ABCG1: variants seen among roughly 807,000 people sequenced by gnomAD.
The protein encoded by ABCG1 is ATP binding cassette subfamily G member 1.
A neutral mutation model predicts 69.2 loss-of-function variants in ABCG1; 29 were observed. The ratio of observed to expected loss-of-function variants is 0.42; its 90% confidence interval spans 0.31 to 0.57. ABCG1 has a LOEUF of 0.57. Ranked by LOEUF, ABCG1 falls within the 20% of genes least tolerant of loss-of-function variation. The probability of loss-of-function intolerance (pLI) is 0.15; values close to 1 mark genes in which losing one functional copy is unlikely to be tolerated. For missense variants in ABCG1, 718 were observed against 898.1 expected (o/e 0.80, Z 2.56); for synonymous variants, 370 against 374.8 (o/e 0.99, Z 0.15).
At chr21:42,271,830 G>A (rs1161455180) in intron 3 of ABCG1, among the ~76,000 whole-genome samples, 2 of 152,198 alleles carry the variant, frequency 1.3e-5, no homozygotes, top group East Asian at 1.9e-4. Context: ...GTTGCAGTGA[G>A]CTGAGATCAC....
chr21:42,269,043 C>T (rs185505552), intron 2 of ABCG1, among the ~76,000 whole-genome samples: 1 of 152,146 alleles, frequency 6.6e-6, no homozygotes, highest in Non-Finnish European at 1.5e-5. Flanking sequence ...TCTCAGAGCC[C>T]GAGGCATGAA....
chr21:42,202,188 G>T (rs2067511948), intron 2 of ABCG1, among the ~76,000 whole-genome samples: 1 of 152,180 alleles, frequency 6.6e-6, no homozygotes, highest in South Asian at 2.1e-4. Flanking sequence ...GGAGGCCAGG[G>T]TTCCACTCCA....
chr21:42,294,066 C>T (rs1401367966), intron 13 of ABCG1, among the ~76,000 whole-genome samples: 3 of 152,080 alleles, frequency 2.0e-5, no homozygotes, highest in South Asian at 2.1e-4. Context: ...TGAGTCGCGG[C>T]GGTTGCTTCG....
In ABCG1 at chr21:42,296,045, T is replaced by C; in HGVS notation, c.1773-119T>C. The C allele has an allele frequency of 1.2e-6, 1 of 811,532 alleles. No individual in the cohort carries two copies. Among genetic ancestry groups the C allele is most frequent in the Non-Finnish European group, 2.1e-6 (1 of 485,030 alleles). The allele number at this position is 811,532 out of a possible 1,614,324, so 50.3% of individuals were successfully genotyped here. On this transcript the variant is annotated intron_variant, in intron 14 of 14. Coordinates refer to ENST00000398449, the MANE Select transcript of ABCG1 (RefSeq NM_016818.3). This position sits in a 1 kb window ranked among gnomAD's most constrained non-coding sequence, Gnocchi z 5.4. The stretch of plus-strand genomic sequence containing the variant: ...GGAAGTATTCTGGGGAAGGCGGCCC[T>C]TTGGGAAGGGAGGATAGCCAAGCTG...
At chr21:42,282,769 G>T (rs1163969021) in intron 6 of ABCG1, among the ~76,000 whole-genome samples, 1 of 152,230 alleles carries the variant, frequency 6.6e-6, no homozygotes, top group African/African-American at 2.4e-5. Flanking sequence ...GTGTCTTCAG[G>T]TGTGTTCTGG....
intron 3 of ABCG1, among the ~76,000 whole-genome samples, chr21:42,272,803 TCGG>T (rs2068639484): frequency 6.6e-6 from 1 of 152,176 alleles, no homozygotes; most frequent in African/African-American, 2.4e-5. Flanking sequence ...GGCCATCCAC[TCGG>T]CTGAGCTGGT....
intron 4 of ABCG1, among the ~76,000 whole-genome samples, chr21:42,274,615 C>T (rs757850403): frequency 1.3e-5 from 2 of 151,948 alleles, no homozygotes; most frequent in Non-Finnish European, 2.9e-5. Context: ...GCTGGGACTA[C>T]AGGCGCCCAC....
At chr21:42,221,984 A>C (rs1014054343) in intron 1 of ABCG1, among the ~76,000 whole-genome samples, 2 of 152,164 alleles carry the variant, frequency 1.3e-5, no homozygotes, top group Admixed American at 6.5e-5. Flanking sequence ...AAATATTCCC[A>C]TGAACAGCAG....
At chr21:42,290,892 C>G (rs1357484521) in intron 11 of ABCG1, among the ~76,000 whole-genome samples, 200 bp from the exon 12 acceptor site, 2 of 152,156 alleles carry the variant, frequency 1.3e-5, no homozygotes, top group Non-Finnish European at 2.9e-5. Flanking sequence ...TCCTGATTCT[C>G]CACTCAATGA....
intron 2 of ABCG1, among the ~76,000 whole-genome samples, chr21:42,202,414 G>A (rs1007692324): frequency 6.6e-6 from 1 of 152,136 alleles, no homozygotes; most frequent in African/African-American, 2.4e-5. Context: ...TTCAGCACAG[G>A]AAGCATGGAG....
chr21:42,265,775 G>A (rs1305614065), intron 2 of ABCG1, among the ~76,000 whole-genome samples: 1 of 152,208 alleles, frequency 6.6e-6, no homozygotes, highest in Non-Finnish European at 1.5e-5. Context: ...AGCTGGCTCA[G>A]GACCGCAGGC....
At chr21:42,217,360 C>A (rs1396850454), upstream of ABCG1, among the ~76,000 whole-genome samples, 1 of 152,152 alleles carries the variant, frequency 6.6e-6, no homozygotes, top group African/African-American at 2.4e-5. Flanking sequence ...GACAGTTCCT[C>A]CCCGGCTGTG....
In ABCG1 at chr21:42,244,507, A is replaced by G. The variant is rs574704357; in HGVS notation, c.286+18593A>G. Among the ~76,000 whole-genome samples the G allele has an allele frequency of 2.0e-5, 3 of 152,374 alleles. No individual in the cohort carries two copies. In the South Asian group the frequency reaches 6.2e-4, roughly 32 times the overall value. ...AAGACTTCAAAAGCTTCTCTTCTGC[A>G]CTGCATTTCCTAAAGTCTAATTTAC... On this transcript the variant is annotated intron_variant, in intron 2 of 14. Coordinates refer to ENST00000398449, the MANE Select transcript of ABCG1 (RefSeq NM_016818.3).
intron 2 of ABCG1, among the ~76,000 whole-genome samples, chr21:42,205,773 C>T (rs2067538032): frequency 1.3e-5 from 2 of 152,102 alleles, no homozygotes; most frequent in South Asian, 4.1e-4. Context: ...GTAAGAGTTT[C>T]AATTATCATT....
At position 42,291,651 on chromosome 21, in the gene ABCG1, C is replaced by T. The variant is rs2069063967; in HGVS notation, c.1648C>T (p.Leu550=). Residue 550 remains leucine, a synonymous_variant, in exon 13 of 15, where the codon CTG becomes TTG. Transcript: ENST00000398449. This position sits in a 1 kb window ranked among gnomAD's most constrained non-coding sequence, Gnocchi z 6.4. Reference sequence around the variant, plus strand: ...GCTGATCGGAGCCGCCTCCACGTCCCTGCAGGTGCCAGCCCAGGAGGCGCT... The same window carrying T: ...GCTGATCGGAGCCGCCTCCACGTCCTTGCAGGTGCCAGCCCAGGAGGCGCT... ...GLLIGAASTS[L]QVATFVGPVT... 6.2e-7 allele frequency: 1 copy of T among 1,600,944 alleles called. No homozygotes were observed. The highest frequency in any genetic ancestry group is 1.3e-5 in the African/African-American group (1 of 74,924).
intron 2 of ABCG1, among the ~76,000 whole-genome samples, chr21:42,204,841 T>C (rs923249169): frequency 6.6e-6 from 1 of 152,188 alleles, no homozygotes; most frequent in African/African-American, 2.4e-5. Context: ...AAAAATATTA[T>C]ATTTGTCTGA....
intron 2 of ABCG1, among the ~76,000 whole-genome samples, chr21:42,235,828 G>GT (rs1264199591): frequency 1.3e-5 from 2 of 152,174 alleles, no homozygotes; most frequent in Non-Finnish European, 2.9e-5. Context: ...ATGTCAGACG[G>GT]ACCGCCACTT....
chr21:42,219,199 G>A lies in ABCG1; in HGVS notation c.-64G>A, dbSNP rs1343307213. Reference sequence around the variant, plus strand: ...CTGAGCCGGGAGCCAGCGCAGCCTCGGCCCCGCAGCTCAAGCCTCGTCCCC... The same window carrying A: ...CTGAGCCGGGAGCCAGCGCAGCCTCAGCCCCGCAGCTCAAGCCTCGTCCCC... On this transcript the variant is annotated 5_prime_UTR_variant, in exon 1 of 15. Transcript: ENST00000398449. This position sits in a 1 kb window ranked among gnomAD's most constrained non-coding sequence, Gnocchi z 5.3. 1.5e-6 allele frequency: 2 copies of A among 1,360,800 alleles called. No homozygotes were observed. The highest frequency in any genetic ancestry group is 1.6e-5 in the African/African-American group (1 of 64,198). The allele number at this position is 1,360,800 out of a possible 1,614,324, so 84.3% of individuals were successfully genotyped here.
chr21:42,218,054 T>C (rs1330098172), upstream of ABCG1, among the ~76,000 whole-genome samples: 1 of 152,120 alleles, frequency 6.6e-6, no homozygotes, highest in Non-Finnish European at 1.5e-5. Context: ...CTCCTTCGAT[T>C]TGAGCGGCTG....
Sources: allele counts gnomAD v4.1 joint callset (sites outside exome capture counted in the v4.1 genomes callset), GRCh38; gene constraint gnomAD v4.1.1; non-coding constraint Gnocchi (gnomAD v3.1); transcripts MANE v1.5; gene names NCBI Gene and HGNC (gene_info 2026-07-23, HGNC 2026-07-21).